The following PLXNA4 variants were observed in gnomAD, a reference collection of about 807,000 sequenced individuals.
PLXNA4 encodes plexin A4, also known as plexin-A4.
In PLXNA4, 44 loss-of-function variants were observed where a neutral mutation model predicts 191.8. The observed-to-expected ratio is 0.23, with a 90% CI of 0.18 to 0.29. PLXNA4 has a LOEUF of 0.29. Among genes scored for constraint, PLXNA4 ranks in the 10% least tolerant of loss-of-function variants. The probability of loss-of-function intolerance (pLI) is 1.00; values close to 1 mark genes in which losing one functional copy is unlikely to be tolerated. For missense variants in PLXNA4, 1,800 were observed against 2,488.8 expected (o/e 0.72, Z 5.89); for synonymous variants, 1,082 against 1,009.5 (o/e 1.07, Z -1.36).
intron 2 of PLXNA4, among the ~76,000 whole-genome samples, chr7:132,640,350 C>T (rs912203300): frequency 2.6e-5 from 4 of 152,186 alleles, no homozygotes; most frequent in Non-Finnish European, 5.9e-5. Context: ...CCATAGGTTA[C>T]GGAATGCATC....
At chr7:132,304,004 G>C (rs1201551045) in intron 3 of PLXNA4, among the ~76,000 whole-genome samples, 1 of 152,166 alleles carries the variant, frequency 6.6e-6, no homozygotes, top group Non-Finnish European at 1.5e-5. Flanking sequence ...CCAGTGATGA[G>C]AGCTTGACTA....
At chr7:132,202,930 G>A in intron 11 of PLXNA4, 94 bp from the exon 12 acceptor site, 1 of 1,292,790 alleles carries the variant, frequency 7.7e-7, no homozygotes, top group Non-Finnish European at 1.0e-6. Flanking sequence ...GTGCCAGCCT[G>A]GGGTGATGGG....
Position 132,637,880 on chromosome 7 carries a change from C to T in PLXNA4, c.-87+8048G>A, listed in dbSNP as rs1399857318. On this transcript the variant is annotated intron_variant, in intron 2 of 4. Transcript: ENST00000378539. The stretch of plus-strand genomic sequence containing the variant: ...CTAATCCTGAGACAGGAAGCTTGTA[C>T]GTTGGCTCAGTTTCTTTCTCCCCAC... Among the ~76,000 whole-genome samples, 4 of 152,188 alleles carry T rather than the reference C, an allele frequency of 2.6e-5. No individual in the cohort carries two copies. In the East Asian group the frequency reaches 5.8e-4, roughly 22 times the overall value.
intron 3 of PLXNA4, among the ~76,000 whole-genome samples, chr7:132,311,771 C>T (rs1801752490): frequency 6.6e-6 from 1 of 152,110 alleles, no homozygotes; most frequent in South Asian, 2.1e-4. Context: ...AATGAGGACC[C>T]AGAAATTCAT....
At chr7:132,556,200 C>G (rs1416751258) in intron 1 of PLXNA4, among the ~76,000 whole-genome samples, 3 of 152,246 alleles carry the variant, frequency 2.0e-5, no homozygotes, top group African/African-American at 7.2e-5. Context: ...CTGACACTTG[C>G]AGAAAGTGAT....
At chr7:132,534,821 C>T (rs189569694) in intron 1 of PLXNA4, among the ~76,000 whole-genome samples, 1 of 152,310 alleles carries the variant, frequency 6.6e-6, no homozygotes, top group East Asian at 1.9e-4. Flanking sequence ...CTTACAGGTG[C>T]CTGAGAGCAG....
chr7:132,257,053 C>T (rs945716102), intron 4 of PLXNA4, among the ~76,000 whole-genome samples: 2 of 152,190 alleles, frequency 1.3e-5, no homozygotes, highest in Admixed American at 6.5e-5. Flanking sequence ...AGGGGTTAAG[C>T]GACTTGCTCA....
At chr7:132,315,787 T>G (rs1265339003) in intron 3 of PLXNA4, among the ~76,000 whole-genome samples, 2 of 152,182 alleles carry the variant, frequency 1.3e-5, no homozygotes, top group East Asian at 3.9e-4. Flanking sequence ...GCAGGAGCCA[T>G]GAGGAAGAAT....
intron 1 of PLXNA4, among the ~76,000 whole-genome samples, chr7:132,520,288 CTA>C (rs1235410949): frequency 6.6e-6 from 1 of 152,194 alleles, no homozygotes; most frequent in African/African-American, 2.4e-5. Flanking sequence ...TCTTTGGAGT[CTA>C]TTTTCTCCCT....
At chr7:132,430,845 G>T (rs918471318) in intron 3 of PLXNA4, among the ~76,000 whole-genome samples, 3 of 152,156 alleles carry the variant, frequency 2.0e-5, no homozygotes, top group Non-Finnish European at 4.4e-5. Context: ...ATAAGGACTG[G>T]ATAAGCAAGG....
chr7:132,575,492 T>G (rs1040297435), intron 1 of PLXNA4, among the ~76,000 whole-genome samples: 1 of 152,066 alleles, frequency 6.6e-6, no homozygotes, highest in African/African-American at 2.4e-5. Flanking sequence ...TAGTTCTCTT[T>G]CTCAGACACA....
intron 20 of PLXNA4, among the ~76,000 whole-genome samples, 186 bp from the exon 21 acceptor site, chr7:132,175,106 T>C (rs1198714963): frequency 2.0e-5 from 3 of 152,174 alleles, no homozygotes; most frequent in African/African-American, 7.2e-5. Context: ...GGCATTAGCA[T>C]GGGAGAAAGA....
intron 5 of PLXNA4, among the ~76,000 whole-genome samples, chr7:132,240,209 G>A (rs1301134125): frequency 6.6e-6 from 1 of 152,214 alleles, no homozygotes; most frequent in Non-Finnish European, 1.5e-5. Context: ...AACAACAATA[G>A]CTGGACTGGA....
intron 2 of PLXNA4, among the ~76,000 whole-genome samples, chr7:132,630,515 T>TTTTTG (rs60870152): frequency 7.9e-5 from 12 of 152,152 alleles, no homozygotes; most frequent in African/African-American, 2.7e-4. Context: ...TTTTTTTGTT[T>TTTTTG]TTTTGTTTTG....
intron 2 of PLXNA4, among the ~76,000 whole-genome samples, chr7:132,638,205 C>T (rs1585421916): frequency 6.6e-6 from 1 of 152,384 alleles, no homozygotes; most frequent in Non-Finnish European, 1.5e-5. Flanking sequence ...ATATCTGTCC[C>T]TCTATCACGG....
intron 31 of PLXNA4, among the ~76,000 whole-genome samples, chr7:132,132,379 TTTG>T (rs1794954252): frequency 6.7e-6 from 1 of 148,434 alleles, no homozygotes; most frequent in South Asian, 2.2e-4. Context: ...ACACATTCTA[TTTG>T]TTCTGTTCTG....
chr7:132,588,809 GAAAA>G lies in PLXNA4; in HGVS notation c.-87+57115_-87+57118del, dbSNP rs1292156320. On this transcript the variant is annotated intron_variant, in intron 2 of 4. Transcript: ENST00000378539. ...GAAAAAGAAAGAAGAAAGAAAGAAA[GAAAA>G]AGAAAGAAAGAGGAAGGAGGGAAGG... Among the ~76,000 whole-genome samples the G allele has an allele frequency of 6.9e-5, 10 of 145,196 alleles. No individual in the cohort carries two copies. In the South Asian group the frequency reaches 1.8e-3, roughly 26 times the overall value.
Position 132,576,318 on chromosome 7 carries a change from G to A in PLXNA4, c.-87+104C>T, listed in dbSNP as rs145115534. ...GTGTGTGCGTGTGCGTGTGCCGCGG[G>A]CTGGCTCCGGGACACTGAGGACTCC... On this transcript the variant is annotated intron_variant, in intron 1 of 31. Coordinates refer to ENST00000321063, the MANE Select transcript of PLXNA4 (RefSeq NM_020911.2). This position sits in a 1 kb window ranked among gnomAD's most constrained non-coding sequence, Gnocchi z 5.8. 4 of 838,122 alleles carry A rather than the reference G, an allele frequency of 4.8e-6. No individual in the cohort carries two copies. The highest frequency in any genetic ancestry group is 5.7e-6 in the Non-Finnish European group (4 of 697,372). The allele number at this position is 838,122 out of a possible 1,614,324, so 51.9% of individuals were successfully genotyped here.
At chr7:132,237,151 C>T (rs1282755628) in intron 5 of PLXNA4, among the ~76,000 whole-genome samples, 2 of 152,358 alleles carry the variant, frequency 1.3e-5, no homozygotes, top group Admixed American at 6.5e-5. Flanking sequence ...ATTCCATCTA[C>T]ATTTAAAATT....
Sources: gnomAD v4.1 joint callset for allele counts (sites outside exome capture counted in the v4.1 genomes callset) on GRCh38, gnomAD v4.1.1 for gene constraint, Gnocchi (gnomAD v3.1) non-coding constraint, MANE v1.5 for transcripts, NCBI Gene and HGNC (gene_info 2026-07-23, HGNC 2026-07-21) for gene names.